Variants in RNF216 observed in about 807,000 individuals in gnomAD.
RNF216 encodes ring finger protein 216.
In RNF216, 72 loss-of-function variants were observed where a neutral mutation model predicts 110.8. The observed-to-expected ratio is 0.65, with a 90% CI of 0.54 to 0.79. RNF216 has a LOEUF of 0.79. RNF216 is among the 30% of genes least tolerant of loss of function. The pLI is 0.00. For synonymous variants in RNF216, 495 were observed against 407.5 expected (o/e 1.21, Z -2.59); for missense variants, 1,342 against 1,141.2 (o/e 1.18, Z -2.54).
chr7:5,620,341 G>A lies in RNF216; in HGVS notation c.*2519C>T, dbSNP rs1480154469. On this transcript the variant is annotated 3_prime_UTR_variant, in exon 17 of 17. Coordinates refer to ENST00000389902, the MANE Select transcript of RNF216 (RefSeq NM_207111.4). ...CACGCCCTGCGGCAAGCCCTGCAGG[G>A]CAGAGAGAGGGAGCCAGCTGCCTCA... is the stretch of plus-strand genomic sequence containing the variant. 2 of 152,236 alleles carry A rather than the reference G, an allele frequency of 1.3e-5. No homozygotes were observed. Among genetic ancestry groups the A allele is most frequent in the Non-Finnish European group, 2.9e-5 (2 of 68,042 alleles). 9.4% of individuals were successfully genotyped at this position (152,236 alleles called of 1,614,324 possible).
At chr7:5,627,461 A>G (rs959464221) in intron 15 of RNF216, among the ~76,000 whole-genome samples, 1 of 152,114 alleles carries the variant, frequency 6.6e-6, no homozygotes, top group Non-Finnish European at 1.5e-5. Flanking sequence ...TCATAGCATT[A>G]AAGACTAGAC....
At chr7:5,702,946 C>T (rs371647103) in intron 13 of RNF216, among the ~76,000 whole-genome samples, 2 of 152,098 alleles carry the variant, frequency 1.3e-5, no homozygotes, top group African/African-American at 4.8e-5. Flanking sequence ...CTGTGGGGAC[C>T]AATATGAGCT....
At chr7:5,748,448 C>G (rs190582006) in intron 3 of RNF216, among the ~76,000 whole-genome samples, 1 of 152,134 alleles carries the variant, frequency 6.6e-6, no homozygotes, top group East Asian at 1.9e-4. Context: ...TTAGTAGAGA[C>G]GGGGTTTCAC....
At position 5,622,235 on chromosome 7, in the gene RNF216, G is replaced by C. The variant is rs778598081; in HGVS notation, c.*625C>G. On this transcript the variant is annotated 3_prime_UTR_variant, in exon 17 of 17. Coordinates refer to ENST00000389902, the MANE Select transcript of RNF216 (RefSeq NM_207111.4). ...AGGATGAGAAAGTTAGGCGGCAACA[G>C]AACAAAACCCCCGCCGCGAGATGGG... is the stretch of plus-strand genomic sequence containing the variant. 1 of 152,510 alleles carries C rather than the reference G, an allele frequency of 6.6e-6. No individual in the cohort carries two copies. 9.4% of individuals were successfully genotyped at this position (152,510 alleles called of 1,614,324 possible).
chr7:5,687,524 C>T (rs186884260), intron 13 of RNF216, among the ~76,000 whole-genome samples: 163 of 151,910 alleles, frequency 1.1e-3, no homozygotes, highest in African/African-American at 3.8e-3. Flanking sequence ...TGTAGAAAGA[C>T]TCTCATATTG....
At chr7:5,699,688 C>G (rs1791844238) in intron 13 of RNF216, among the ~76,000 whole-genome samples, 1 of 152,222 alleles carries the variant, frequency 6.6e-6, no homozygotes, top group Admixed American at 6.5e-5. Context: ...GAAGAGATGG[C>G]AGGGACTGCT....
chr7:5,756,214 T>C (rs1423764783), intron 2 of RNF216, among the ~76,000 whole-genome samples: 2 of 152,206 alleles, frequency 1.3e-5, no homozygotes, highest in Non-Finnish European at 2.9e-5. Flanking sequence ...TGCTTCTCCT[T>C]TGCCTTTCGC....
At chr7:5,772,927 C>T (rs1214651870) in intron 1 of RNF216, among the ~76,000 whole-genome samples, 3 of 151,850 alleles carry the variant, frequency 2.0e-5, no homozygotes, top group East Asian at 1.9e-4. Context: ...TACAGGCATG[C>T]GCCACCATGT....
At chr7:5,650,475 CA>C (rs1288204502) in intron 14 of RNF216, among the ~76,000 whole-genome samples, 2 of 152,184 alleles carry the variant, frequency 1.3e-5, no homozygotes, top group African/African-American at 4.8e-5. Flanking sequence ...TGCCTTATCA[CA>C]GGGCTGCATT....
intron 12 of RNF216, 60 bp from the exon 13 acceptor site, chr7:5,711,899 G>C: frequency 7.0e-7 from 1 of 1,423,534 alleles, no homozygotes; most frequent in Non-Finnish European, 9.9e-7. Context: ...TCTGGTTCCA[G>C]CTCCATGTGG....
chr7:5,706,316 T>C (rs77018051), intron 13 of RNF216, among the ~76,000 whole-genome samples: 2,291 of 152,262 alleles, frequency 0.015, 47 homozygotes, highest in African/African-American at 0.052. Flanking sequence ...AGCAAAATGT[T>C]GTACAGCTGA....
chr7:5,772,181 C>T (rs929834619), intron 1 of RNF216, among the ~76,000 whole-genome samples: 5 of 151,134 alleles, frequency 3.3e-5, no homozygotes, highest in African/African-American at 9.7e-5. Flanking sequence ...TGCGGTGAGC[C>T]GAGATCAAGC....
chr7:5,622,704 C>T lies in RNF216; in HGVS notation c.*156G>A. 1 of 713,868 alleles carries T rather than the reference C, an allele frequency of 1.4e-6. No homozygotes were observed. Among genetic ancestry groups the T allele is most frequent in the South Asian group, 1.9e-5 (1 of 52,908 alleles). 44.2% of individuals were successfully genotyped at this position (713,868 alleles called of 1,614,324 possible). On this transcript the variant is annotated 3_prime_UTR_variant, in exon 17 of 17. Coordinates refer to ENST00000389902, the MANE Select transcript of RNF216 (RefSeq NM_207111.4). ...ATGGATCCGTCCACTCTTCCAGGAG[C>T]AGTAGCCCTTCTAGGAAAGGGGTGG... is the stretch of plus-strand genomic sequence containing the variant.
At chr7:5,659,153 A>T (rs1327071649) in intron 13 of RNF216, among the ~76,000 whole-genome samples, 1 of 152,216 alleles carries the variant, frequency 6.6e-6, no homozygotes, top group Non-Finnish European at 1.5e-5. Flanking sequence ...TGGGAGGCAG[A>T]GGCGAGTTTA....
chr7:5,751,827 T>TAAAAAAAAAAAA (rs3075700), intron 3 of RNF216, among the ~76,000 whole-genome samples: 2 of 37,296 alleles, frequency 5.4e-5, no homozygotes, highest in East Asian at 1.4e-3. Context: ...ATCTTTAAAC[T>TAAAAAAAAAAAA]AAAAAAAAAA....
intron 1 of RNF216, among the ~76,000 whole-genome samples, chr7:5,764,933 G>A (rs1211908602): frequency 6.6e-6 from 1 of 151,968 alleles, no homozygotes; most frequent in Non-Finnish European, 1.5e-5. Context: ...AGTTGGGCAT[G>A]GTGGCACACA....
intron 15 of RNF216, among the ~76,000 whole-genome samples, chr7:5,631,201 T>A (rs1286786143): frequency 1.3e-5 from 2 of 152,132 alleles, no homozygotes; most frequent in African/African-American, 4.8e-5. Context: ...GTTTTGGAAA[T>A]TTTTAGGGAA....
chr7:5,773,914 T>C (rs1312690075), intron 1 of RNF216, among the ~76,000 whole-genome samples: 1 of 152,196 alleles, frequency 6.6e-6, no homozygotes, highest in East Asian at 1.9e-4. Flanking sequence ...CTTCCTTCAA[T>C]TTTACACTGA....
At chr7:5,670,785 G>C (rs1191599300) in intron 13 of RNF216, among the ~76,000 whole-genome samples, 1 of 152,206 alleles carries the variant, frequency 6.6e-6, no homozygotes, top group African/African-American at 2.4e-5. Flanking sequence ...TTAATCCATA[G>C]CCCAAATTCT....
Sources: gnomAD v4.1 joint callset for allele counts (sites outside exome capture counted in the v4.1 genomes callset) on GRCh38, gnomAD v4.1.1 for gene constraint, MANE v1.5 for transcripts, NCBI Gene and HGNC (gene_info 2026-07-23, HGNC 2026-07-21) for gene names.